The following RAD54B variants were observed in gnomAD, a reference collection of about 807,000 sequenced individuals.
The protein encoded by RAD54B is RAD54 homolog B.
A neutral mutation model predicts 95.8 loss-of-function variants in RAD54B; 78 were observed. The ratio of observed to expected loss-of-function variants is 0.81; its 90% CI spans 0.68 to 0.98. The LOEUF (loss-of-function observed/expected upper bound fraction) is 0.98, where lower values mean the gene tolerates loss of function less well. RAD54B is among the 50% of genes least tolerant of loss of function. The pLI, the probability that RAD54B is intolerant of heterozygous loss-of-function variation, is 0.00. For synonymous variants in RAD54B, 328 were observed against 354.9 expected, an observed-to-expected ratio of 0.92 and a Z score of 0.85; for missense variants, 957 against 1,056.6, an observed-to-expected ratio of 0.91 and a Z score of 1.31.
In RAD54B at chr8:94,378,190, T is replaced by C. The variant is rs781185409; in HGVS notation, c.2505A>G (p.Glu835=). Reference sequence around the variant, plus strand: ...TAAAATATAACTAACCTGTATGAACTTCTTCTCCTGTACACTCACAGTCAA... The same window carrying C: ...TAAAATATAACTAACCTGTATGAACCTCTTCTCCTGTACACTCACAGTCAA... ...DLLDCECTGE[E]VHTGDSLEKF... is the part of the protein sequence containing the mutation. The change falls in exon 14 of 15, where the codon GAA becomes GAG. Residue 835 remains glutamate, a synonymous_variant. Coordinates refer to ENST00000336148, the MANE Select transcript of RAD54B (RefSeq NM_012415.3). 2.1e-5 allele frequency: 34 copies of C among 1,608,748 alleles called. 1 individual carries two copies. In the South Asian group the frequency reaches 3.8e-4, roughly 18 times the overall value.
chr8:94,427,035 T>C (rs1289781627), intron 3 of RAD54B, among the ~76,000 whole-genome samples: 1 of 152,170 alleles, frequency 6.6e-6, no homozygotes, highest in Non-Finnish European at 1.5e-5. Context: ...ATCTATGTGG[T>C]AGATATATGG....
At chr8:94,463,767 A>C (rs1468063025) in intron 2 of RAD54B, among the ~76,000 whole-genome samples, 1 of 151,830 alleles carries the variant, frequency 6.6e-6, no homozygotes, top group Non-Finnish European at 1.5e-5. Flanking sequence ...TCTCTAAAAA[A>C]ATTTAAAAAT....
chr8:94,401,256 GCCTA>G (rs1451324826), intron 6 of RAD54B, among the ~76,000 whole-genome samples: 1 of 151,866 alleles, frequency 6.6e-6, no homozygotes, highest in Non-Finnish European at 1.5e-5. Context: ...AAATGAGTGT[GCCTA>G]CCTCTCTTGC....
intron 3 of RAD54B, among the ~76,000 whole-genome samples, chr8:94,438,426 T>C (rs1482388020): frequency 6.6e-6 from 1 of 152,162 alleles, no homozygotes; most frequent in Non-Finnish European, 1.5e-5. Context: ...AAATCAGTAA[T>C]GCAAATGATT....
intron 11 of RAD54B, among the ~76,000 whole-genome samples, chr8:94,385,679 T>A (rs1027395395): frequency 1.3e-5 from 2 of 152,138 alleles, no homozygotes; most frequent in Non-Finnish European, 2.9e-5. Flanking sequence ...CCTCGAGCAA[T>A]CCTCCCACCT....
intron 3 of RAD54B, among the ~76,000 whole-genome samples, chr8:94,449,970 T>C (rs1812615547): frequency 6.6e-6 from 1 of 152,190 alleles, no homozygotes; most frequent in Non-Finnish European, 1.5e-5. Flanking sequence ...ACCTATCATG[T>C]TTCCCCTTCT....
intron 3 of RAD54B, among the ~76,000 whole-genome samples, chr8:94,427,539 G>A (rs1222441355): frequency 1.3e-5 from 2 of 151,816 alleles, no homozygotes; most frequent in Admixed American, 1.3e-4. Context: ...GAGAAGCTGT[G>A]GCTCTTAACA....
chr8:94,432,565 G>A, intron 3 of RAD54B: 1 of 1,550,212 alleles, frequency 6.5e-7, no homozygotes, highest in Non-Finnish European at 8.7e-7. Flanking sequence ...TCTTCTTCTT[G>A]CTTCACCTCC....
intron 4 of RAD54B, among the ~76,000 whole-genome samples, chr8:94,408,462 A>C (rs1311276553): frequency 6.6e-6 from 1 of 152,150 alleles, no homozygotes; most frequent in African/African-American, 2.4e-5. Flanking sequence ...TGCCATTACC[A>C]AGCAAAGGAG....
At chr8:94,372,802 AAT>A (rs1409364105) in intron 14 of RAD54B, among the ~76,000 whole-genome samples, 1 of 152,222 alleles carries the variant, frequency 6.6e-6, no homozygotes, top group East Asian at 1.9e-4. Context: ...GCAAGTCATA[AAT>A]AGTCTTACAA....
chr8:94,471,520 G>A (rs1304286796), intron 1 of RAD54B, among the ~76,000 whole-genome samples: 1 of 152,044 alleles, frequency 6.6e-6, no homozygotes, highest in Non-Finnish European at 1.5e-5. Context: ...ATATACATCT[G>A]TATATGAAAA....
chr8:94,395,608 GGA>G (rs1469918012), intron 8 of RAD54B, among the ~76,000 whole-genome samples: 1 of 152,188 alleles, frequency 6.6e-6, no homozygotes, highest in African/African-American at 2.4e-5. Flanking sequence ...GCCCAGAAAA[GGA>G]GAGCTAGAAA....
At chr8:94,419,258 C>G (rs1445575208) in intron 3 of RAD54B, among the ~76,000 whole-genome samples, 2 of 151,980 alleles carry the variant, frequency 1.3e-5, no homozygotes, top group Non-Finnish European at 2.9e-5. Context: ...GCCTGTAATC[C>G]CACCACTTTC....
chr8:94,470,273 T>C (rs1254024707), intron 1 of RAD54B, among the ~76,000 whole-genome samples: 2 of 151,616 alleles, frequency 1.3e-5, no homozygotes, highest in Non-Finnish European at 2.9e-5. Context: ...CCAGCCAGGC[T>C]AACATGGTGA....
intron 3 of RAD54B, chr8:94,428,599 C>T (rs926862778): frequency 2.1e-6 from 1 of 484,258 alleles, no homozygotes; most frequent in Non-Finnish European, 2.7e-6. Flanking sequence ...CCAACTCCTA[C>T]CTCAGTTATA....
At position 94,431,990 on chromosome 8, in the gene RAD54B, A is replaced by T. The variant is rs1812108644; in HGVS notation, c.305-20675T>A. On this transcript the variant is annotated intron_variant, in intron 3 of 14. Coordinates refer to ENST00000336148, the MANE Select transcript of RAD54B (RefSeq NM_012415.3). ...TTTAATATCTCAAAAGAAAATAATT[A>T]GAAAATTATATCTAAAAAGTTTTTC... 8 of 1,307,440 alleles carry T rather than the reference A, an allele frequency of 6.1e-6. No homozygotes were observed. In the South Asian group the frequency reaches 1.7e-4, roughly 28 times the overall value. 81.0% of individuals were successfully genotyped at this position (1,307,440 alleles called of 1,614,324 possible). A position where few individuals can be genotyped will look rare whatever the true frequency, so the allele number is the denominator to read the frequency against.
At chr8:94,432,881 G>A (rs1409635195) in intron 3 of RAD54B, among the ~76,000 whole-genome samples, 1 of 151,978 alleles carries the variant, frequency 6.6e-6, no homozygotes, top group East Asian at 1.9e-4. Flanking sequence ...TTAAAATTGT[G>A]CTTTAAAGGA....
intron 11 of RAD54B, among the ~76,000 whole-genome samples, chr8:94,384,327 G>C (rs1192346029): frequency 1.3e-5 from 2 of 152,054 alleles, no homozygotes; most frequent in Non-Finnish European, 1.5e-5. Context: ...TAAAAAGGAA[G>C]GAAATTCTGA....
chr8:94,400,158 T>TA (rs1811236562), intron 7 of RAD54B, 80 bp downstream of exon 7: 7 of 1,268,934 alleles, frequency 5.5e-6, no homozygotes, highest in Non-Finnish European at 7.8e-6. Context: ...GTTAGGGAGT[T>TA]AACAAGTAAA....
Sources: allele counts gnomAD v4.1 joint callset (sites outside exome capture counted in the v4.1 genomes callset), GRCh38; gene constraint gnomAD v4.1.1; transcripts MANE v1.5; gene names NCBI Gene and HGNC (gene_info 2026-07-23, HGNC 2026-07-21).